The following DAGLB variants were observed in gnomAD, a reference collection of about 807,000 sequenced individuals.
The protein encoded by DAGLB is diacylglycerol lipase beta.
DAGLB carries 66 observed loss-of-function variants against 72.1 expected under a neutral mutation model. That is an observed-to-expected ratio of 0.92 (90% CI 0.75 to 1.12). DAGLB has a LOEUF of 1.12. DAGLB is among the 50% of genes most tolerant of loss of function. The pLI is 0.00. For synonymous variants in DAGLB, 414 were observed against 359.5 expected, an observed-to-expected ratio of 1.15 and a Z score of -1.71; for missense variants, 1,065 against 884.9, an observed-to-expected ratio of 1.20 and a Z score of -2.58.
At chr7:6,419,310 T>C (rs1784031356) in intron 9 of DAGLB, among the ~76,000 whole-genome samples, 1 of 152,074 alleles carries the variant, frequency 6.6e-6, no homozygotes, top group East Asian at 1.9e-4. Context: ...CAGCACTTCT[T>C]AACAAATTAC....
chr7:6,416,537 C>A, intron 11 of DAGLB, 90 bp downstream of exon 11: 1 of 1,504,334 alleles, frequency 6.6e-7, no homozygotes, highest in Non-Finnish European at 8.9e-7. Flanking sequence ...AGCAAGACTT[C>A]ATCTCAGGAA....
intron 8 of DAGLB, 197 bp from the exon 9 acceptor site, chr7:6,422,001 G>A (rs1377135444): frequency 8.8e-6 from 6 of 683,336 alleles, no homozygotes; most frequent in Admixed American, 4.1e-5. Context: ...GGCACGACCA[G>A]CTCTGGGCCA....
At chr7:6,425,156 G>A (rs1784263693) in intron 7 of DAGLB, among the ~76,000 whole-genome samples, 1 of 152,212 alleles carries the variant, frequency 6.6e-6, no homozygotes, top group Admixed American at 6.5e-5. Flanking sequence ...GGTTCTACTG[G>A]GCAGCAAAGT....
intron 9 of DAGLB, among the ~76,000 whole-genome samples, chr7:6,418,553 G>A (rs567778020): frequency 6.6e-6 from 1 of 151,652 alleles, no homozygotes; most frequent in Non-Finnish European, 1.5e-5. Context: ...GGAGAAAAGC[G>A]GGCCTGGCCC....
At chr7:6,412,926 C>A (rs1347306914) in intron 12 of DAGLB, 40 bp downstream of exon 12, 2 of 1,612,914 alleles carry the variant, frequency 1.2e-6, no homozygotes, top group Admixed American at 3.3e-5. Flanking sequence ...CCTGGCACTC[C>A]CAACCCCCCA....
At chr7:6,412,920 G>A (rs780865660) in intron 12 of DAGLB, 37 bp from the exon 13 acceptor site, 2 of 1,612,258 alleles carry the variant, frequency 1.2e-6, no homozygotes, top group African/African-American at 2.7e-5. Flanking sequence ...CTGGGACCTG[G>A]CACTCCCAAC....
At chr7:6,420,759 C>A (rs1001718232) in intron 9 of DAGLB, among the ~76,000 whole-genome samples, 3 of 152,192 alleles carry the variant, frequency 2.0e-5, no homozygotes, top group Non-Finnish European at 4.4e-5. Context: ...AAACTAGAAA[C>A]CCCTACCCCT....
At position 6,409,473 on chromosome 7, in the gene DAGLB, G is replaced by T; in HGVS notation, c.*364C>A. Reference sequence around the variant, plus strand: ...AGTTGGATGAAAAGAGCTGCCTTGGGGGTGGGAGGCTAAGGAACTGTTCAC... The same window carrying T: ...AGTTGGATGAAAAGAGCTGCCTTGGTGGTGGGAGGCTAAGGAACTGTTCAC... On this transcript the variant is annotated 3_prime_UTR_variant, in exon 15 of 15. Coordinates refer to ENST00000297056, the MANE Select transcript of DAGLB (RefSeq NM_139179.4). The T allele has an allele frequency of 4.0e-6, 1 of 249,830 alleles. No individual in the cohort carries two copies. Among genetic ancestry groups the T allele is most frequent in the Non-Finnish European group, 7.8e-6 (1 of 127,542 alleles). 15.5% of individuals were successfully genotyped at this position (249,830 alleles called of 1,614,324 possible).
chr7:6,441,087 T>C (rs1019822672), intron 2 of DAGLB, among the ~76,000 whole-genome samples: 1 of 138,632 alleles, frequency 7.2e-6, no homozygotes, highest in Non-Finnish European at 1.6e-5. Context: ...TGTAACAAAC[T>C]GACAATTTTT....
chr7:6,435,066 C>T, intron 3 of DAGLB, 46 bp from the exon 4 acceptor site: 2 of 1,597,286 alleles, frequency 1.3e-6, no homozygotes, highest in Non-Finnish European at 8.5e-7. Flanking sequence ...CGGGCCCCAG[C>T]CCAGACGCAG....
rs755091158 is a variant in DAGLB, at chr7:6,409,942, G to A, written c.1914C>T (p.Asp638=). Residue 638 remains aspartate (D), a synonymous_variant, in exon 15 of 15, where the codon GAC becomes GAT. Coordinates refer to ENST00000297056, the MANE Select transcript of DAGLB (RefSeq NM_139179.4). ...KILIGPKMLT[D]HMPDILMRAL... ...CCCGCATCAGGATGTCTGGCATGTG[G>A]TCGGTGAGCATCTTCGGACCTATGA... 1.2e-6 allele frequency: 2 copies of A among 1,614,160 alleles called. No homozygotes were observed. The highest frequency in any genetic ancestry group is 1.7e-6 in the Non-Finnish European group (2 of 1,180,046).
At chr7:6,445,472 T>C (rs1055449129) in intron 2 of DAGLB, among the ~76,000 whole-genome samples, 1 of 151,990 alleles carries the variant, frequency 6.6e-6, no homozygotes. Flanking sequence ...TTGGGAGAGT[T>C]TGGGGAAAAT....
At chr7:6,435,101 T>C (rs117683475) in intron 3 of DAGLB, 81 bp from the exon 4 acceptor site, 46,281 of 1,562,732 alleles carry the variant, frequency 0.03, 823 homozygotes, top group Middle Eastern at 0.043. Context: ...TCCTCCAGGT[T>C]CAGTTTCTGA....
At chr7:6,437,171 AAT>A (rs1784690587) in intron 2 of DAGLB, among the ~76,000 whole-genome samples, 1 of 147,218 alleles carries the variant, frequency 6.8e-6, no homozygotes, top group Non-Finnish European at 1.5e-5. Context: ...TAATAATAAT[AAT>A]AATAATAATA....
chr7:6,413,171 A>C, intron 11 of DAGLB, 137 bp from the exon 12 acceptor site: 1 of 907,886 alleles, frequency 1.1e-6, no homozygotes, highest in Non-Finnish European at 1.7e-6. Flanking sequence ...AAGGGAGGGT[A>C]GGGGAAACGT....
intron 7 of DAGLB, among the ~76,000 whole-genome samples, chr7:6,425,782 T>C (rs1014063605): frequency 6.6e-6 from 1 of 152,232 alleles, no homozygotes; most frequent in African/African-American, 2.4e-5. Flanking sequence ...GTCTCTATCT[T>C]ATGTGAAACC....
At chr7:6,410,472 C>A (rs1195386039) in intron 13 of DAGLB, 92 bp from the exon 14 acceptor site, 1 of 1,504,596 alleles carries the variant, frequency 6.6e-7, no homozygotes, top group African/African-American at 1.4e-5. Flanking sequence ...GCACAGGAAT[C>A]TGCCCTTTGA....
intron 11 of DAGLB, among the ~76,000 whole-genome samples, chr7:6,415,534 G>C (rs1783879365): frequency 6.7e-6 from 1 of 149,152 alleles, no homozygotes; most frequent in African/African-American, 2.5e-5. Context: ...GCTGGAATCA[G>C]CAAAAAAAAA....
chr7:6,410,219 G>A lies in DAGLB; in HGVS notation c.1731C>T (p.Ser577=), dbSNP rs559048976. The change falls in exon 14 of 15, where the codon AGC becomes AGT. Residue 577 remains serine, a synonymous_variant. Coordinates refer to ENST00000297056, the MANE Select transcript of DAGLB (RefSeq NM_139179.4). ...TGGGAGAAGAGTCCAGTGGGGAGTC[G>A]CTGGAGAAGCTGTAGGCCGGGGACC... The part of the protein sequence containing the change: ...TRWSPAYSFS[S]DSPLDSSPKY... 6.2e-6 allele frequency: 10 copies of A among 1,609,526 alleles called. No individual in the cohort carries two copies. The highest frequency in any genetic ancestry group is 4.5e-5 in the East Asian group (2 of 44,800).
Sources: allele counts gnomAD v4.1 joint callset (sites outside exome capture counted in the v4.1 genomes callset), GRCh38; gene constraint gnomAD v4.1.1; transcripts MANE v1.5; gene names NCBI Gene and HGNC (gene_info 2026-07-23, HGNC 2026-07-21).